The following CDH13 variants were observed in gnomAD, a reference collection of about 807,000 sequenced individuals.
CDH13 encodes cadherin 13.
A neutral mutation model predicts 63.8 loss-of-function variants in CDH13; 24 were observed. The observed-to-expected ratio is 0.38, with a 90% CI of 0.27 to 0.53. The LOEUF is 0.53. CDH13 is among the 20% of genes least tolerant of loss of function. CDH13 has a pLI of 0.85. For missense variants in CDH13, 1,049 were observed against 903.1 expected, an observed-to-expected ratio of 1.16 and a Z score of -2.07; for synonymous variants, 503 against 355.3, an observed-to-expected ratio of 1.42 and a Z score of -4.67.
intron 10 of CDH13, among the ~76,000 whole-genome samples, chr16:83,722,358 T>A (rs1567550179): frequency 6.6e-6 from 1 of 152,172 alleles, no homozygotes; most frequent in Non-Finnish European, 1.5e-5. Context: ...CTGTTATTCG[T>A]AGGGAGATGG....
intron 1 of CDH13, among the ~76,000 whole-genome samples, chr16:82,639,814 G>C (rs577288845): frequency 6.6e-6 from 1 of 152,212 alleles, no homozygotes; most frequent in African/African-American, 2.4e-5. Context: ...ACAGAGCAGC[G>C]AGAGCATGGC....
At chr16:83,366,828 C>CA (rs1437191708) in intron 6 of CDH13, among the ~76,000 whole-genome samples, 1 of 152,046 alleles carries the variant, frequency 6.6e-6, no homozygotes, top group Non-Finnish European at 1.5e-5. Context: ...TAGGAACTCT[C>CA]AAAAAAGTGT....
chr16:82,743,373 G>T (rs561188364), intron 1 of CDH13, among the ~76,000 whole-genome samples: 71 of 152,198 alleles, frequency 4.7e-4, no homozygotes, highest in African/African-American at 1.7e-3. Context: ...GCCTACAGGC[G>T]CAGACCACGG....
intron 5 of CDH13, among the ~76,000 whole-genome samples, chr16:83,261,178 G>A (rs558321979): frequency 6.6e-6 from 1 of 152,294 alleles, no homozygotes; most frequent in South Asian, 2.1e-4. Context: ...TTCCATGCAA[G>A]GGGGCGTGCA....
At chr16:83,733,387 G>C (rs564312224) in intron 10 of CDH13, among the ~76,000 whole-genome samples, 20 of 152,298 alleles carry the variant, frequency 1.3e-4, no homozygotes, top group Non-Finnish European at 2.2e-4. Flanking sequence ...CGGTAACCTG[G>C]CCTCCATCAC....
chr16:83,198,462 G>A lies in CDH13; in HGVS notation c.484-18883G>A, dbSNP rs150550043. ...ACTTTTGTTAGTGGATGGACCAGCT[G>A]GGAAGACTGTAAAGTTGGATGTCTT... On this transcript the variant is annotated intron_variant, in intron 4 of 13. Transcript: ENST00000567109. Among the ~76,000 whole-genome samples the A allele has an allele frequency of 4.6e-5, 7 of 152,184 alleles. No individual in the cohort carries two copies. The East Asian group carries it at 1.4e-3, about 29-fold the overall frequency.
Position 83,647,521 on chromosome 16 carries a change from T to C in CDH13, c.1102-23269T>C, listed in dbSNP as rs529343047. The stretch of plus-strand genomic sequence containing the variant: ...CCTTCCTACAACATAAATGTGTGTA[T>C]GTGTGTGCATGCATGCGTGTGTGTG... On this transcript the variant is annotated intron_variant, in intron 8 of 13. Coordinates refer to ENST00000567109, the MANE Select transcript of CDH13 (RefSeq NM_001257.5). Among the ~76,000 whole-genome samples, 139 of 152,284 alleles carry C rather than the reference T, an allele frequency of 9.1e-4. 1 individual carries two copies. The highest frequency in any genetic ancestry group is 3.1e-3 in the African/African-American group (130 of 41,564).
At chr16:83,253,037 TAGCAC>T (rs570225502) in intron 5 of CDH13, among the ~76,000 whole-genome samples, 88 of 152,286 alleles carry the variant, frequency 5.8e-4, no homozygotes, top group African/African-American at 2.0e-3. Flanking sequence ...GCCAAACCCT[TAGCAC>T]AGCACCTGGC....
At chr16:83,563,015 A>C (rs1439149215) in intron 7 of CDH13, among the ~76,000 whole-genome samples, 5 of 152,186 alleles carry the variant, frequency 3.3e-5, no homozygotes, top group African/African-American at 1.2e-4. Flanking sequence ...GTGTCTCCTC[A>C]TCTGTAGTAG....
chr16:82,810,647 C>T (rs1450630000), intron 1 of CDH13, among the ~76,000 whole-genome samples: 3 of 152,082 alleles, frequency 2.0e-5, no homozygotes, highest in African/African-American at 7.2e-5. Flanking sequence ...TTCTCAGCCC[C>T]CATGGCTGGT....
At chr16:82,994,474 C>T (rs1761362855) in intron 2 of CDH13, among the ~76,000 whole-genome samples, 1 of 152,174 alleles carries the variant, frequency 6.6e-6, no homozygotes, top group African/African-American at 2.4e-5. Flanking sequence ...AGCAAAGAGA[C>T]CATGGAGAGC....
intron 6 of CDH13, among the ~76,000 whole-genome samples, chr16:83,413,889 G>A (rs1038392996): frequency 6.6e-6 from 1 of 152,134 alleles, no homozygotes; most frequent in African/African-American, 2.4e-5. Context: ...CTACTAGGGA[G>A]GCCAAGGCAG....
At chr16:83,488,075 C>T in intron 7 of CDH13, among the ~76,000 whole-genome samples, 1 of 152,330 alleles carries the variant, frequency 6.6e-6, no homozygotes, top group Admixed American at 6.5e-5. Flanking sequence ...AGAGTAACCA[C>T]TAGTCACATG....
intron 7 of CDH13, among the ~76,000 whole-genome samples, chr16:83,520,613 A>G (rs1447183609): frequency 6.6e-6 from 1 of 152,180 alleles, no homozygotes; most frequent in Non-Finnish European, 1.5e-5. Context: ...TCTTGTTTGC[A>G]TATAATTTTG....
chr16:83,145,752 G>T (rs6565137), intron 4 of CDH13, among the ~76,000 whole-genome samples: 49,864 of 152,012 alleles, frequency 0.33, 9,691 homozygotes, highest in African/African-American at 0.55. Context: ...TGCAAGACCT[G>T]AGGAATAGAG....
chr16:83,186,642 G>A (rs764875649), intron 4 of CDH13, among the ~76,000 whole-genome samples: 9 of 152,118 alleles, frequency 5.9e-5, no homozygotes, highest in African/African-American at 7.2e-5. Flanking sequence ...GTAGTATGTC[G>A]TCAGGGTTGA....
chr16:82,843,107 C>T (rs529748720), intron 1 of CDH13, among the ~76,000 whole-genome samples: 1 of 152,346 alleles, frequency 6.6e-6, no homozygotes, highest in African/African-American at 2.4e-5. Context: ...TATTAGATTA[C>T]TAACTCCACC....
chr16:83,229,206 C>T (rs1241398026), intron 5 of CDH13, among the ~76,000 whole-genome samples: 4 of 152,094 alleles, frequency 2.6e-5, no homozygotes, highest in Admixed American at 6.5e-5. Context: ...AGCAAGTCAA[C>T]AATAACATTC....
At chr16:83,101,219 A>G (rs1021732940) in intron 3 of CDH13, among the ~76,000 whole-genome samples, 3 of 150,842 alleles carry the variant, frequency 2.0e-5, no homozygotes, top group Non-Finnish European at 4.4e-5. Flanking sequence ...GTATATATAC[A>G]TACATGCACA....
Sources: allele counts gnomAD v4.1 joint callset (sites outside exome capture counted in the v4.1 genomes callset), GRCh38; gene constraint gnomAD v4.1.1; transcripts MANE v1.5; gene names NCBI Gene and HGNC (gene_info 2026-07-23, HGNC 2026-07-21).